Variants in EPHA5 observed in about 807,000 individuals in gnomAD.
EPHA5 encodes the protein EPH receptor A5.
In EPHA5, 60 loss-of-function variants were observed where a neutral mutation model predicts 105.0. The observed-to-expected ratio is 0.57, with a 90% CI of 0.46 to 0.71. The LOEUF (loss-of-function observed/expected upper bound fraction) is 0.71. Ranked by LOEUF, EPHA5 falls within the 30% of genes least tolerant of loss-of-function variation. The probability of loss-of-function intolerance (pLI) is 0.00; values close to 1 mark genes in which losing one functional copy is unlikely to be tolerated. For missense variants in EPHA5, 1,218 were observed against 1,274.7 expected (o/e 0.96, Z 0.68); for synonymous variants, 513 against 449.1 (o/e 1.14, Z -1.80).
rs1728531238 is a variant in EPHA5 at position 65,465,452 on chromosome 4, GAAAGAAAAGAAAGAAA to G, written c.1402+24909_1402+24924del. Among the ~76,000 whole-genome samples the G allele has an allele frequency of 1.1e-4, 13 of 116,796 alleles. 2 individuals are homozygous for G. Among genetic ancestry groups the G allele is most frequent in the African/African-American group, 2.4e-4 (7 of 29,654 alleles). The allele number at this position is 116,796 out of a possible 152,430, so 76.6% of individuals were successfully genotyped here. ...CCACCCCTCTAAAGAAAGAAAGAAAGAAAGAAAAGAAAGAAAAAGAAAGAAAGAAAGAAAGAAAGAA... is the reference window on the plus strand; with the variant it reads ...CCACCCCTCTAAAGAAAGAAAGAAAGAAGAAAGAAAGAAAGAAAGAAAGAA... On this transcript the variant is annotated intron_variant, in intron 5 of 16. Coordinates refer to ENST00000613740, the MANE Select transcript of EPHA5 (RefSeq NM_001281766.3).
At chr4:65,432,301 A>G (rs764109208) in intron 5 of EPHA5, among the ~76,000 whole-genome samples, 9 of 152,186 alleles carry the variant, frequency 5.9e-5, no homozygotes, top group Non-Finnish European at 1.2e-4. Flanking sequence ...ATTGACTGCT[A>G]TAATGTAATG....
At chr4:65,506,386 A>G (rs1216753216) in intron 3 of EPHA5, among the ~76,000 whole-genome samples, 1 of 146,254 alleles carries the variant, frequency 6.8e-6, no homozygotes, top group Non-Finnish European at 1.5e-5. Flanking sequence ...GGCTGGGTCA[A>G]ATGGTATTTC....
At chr4:65,572,602 G>A (rs540811640) in intron 3 of EPHA5, among the ~76,000 whole-genome samples, 1 of 152,186 alleles carries the variant, frequency 6.6e-6, no homozygotes, top group Non-Finnish European at 1.5e-5. Flanking sequence ...TATAGCAATT[G>A]TGACTGTAAA....
At chr4:65,495,289 T>G in intron 4 of EPHA5, 99 bp downstream of exon 4, 1 of 1,273,080 alleles carries the variant, frequency 7.9e-7, no homozygotes, top group Non-Finnish European at 1.1e-6. Context: ...TTATGTCTGT[T>G]TTAGGGGGAA....
At chr4:65,472,042 G>A (rs767073650) in intron 5 of EPHA5, among the ~76,000 whole-genome samples, 1 of 152,152 alleles carries the variant, frequency 6.6e-6, no homozygotes, top group Non-Finnish European at 1.5e-5. Context: ...CACCTAGGAG[G>A]CTGTAAAATC....
At position 65,321,561 on chromosome 4, in the gene EPHA5, T is replaced by C. The variant is rs1719642578; in HGVS notation, c.*2553A>G. 1.3e-5 allele frequency: 3 copies of C among 229,224 alleles called. No homozygotes were observed. In the East Asian group the frequency reaches 1.9e-4, roughly 14 times the overall value. 14.2% of individuals were successfully genotyped at this position (229,224 alleles called of 1,614,324 possible). A position where few individuals can be genotyped will look rare whatever the true frequency, so the allele number is the denominator to read the frequency against. Reference sequence around the variant, plus strand: ...AAGTCATATTAACCTTCCTTAGAAATTCTCAACCAAATTGAGATGCAAAAG... The same window carrying C: ...AAGTCATATTAACCTTCCTTAGAAACTCTCAACCAAATTGAGATGCAAAAG... On this transcript the variant is annotated 3_prime_UTR_variant, in exon 17 of 17. Transcript: ENST00000613740.
chr4:65,419,027 G>T (rs1015195968), intron 6 of EPHA5, among the ~76,000 whole-genome samples: 23 of 151,510 alleles, frequency 1.5e-4, no homozygotes, highest in African/African-American at 5.6e-4. Flanking sequence ...GGGATTACAG[G>T]TGCCCGCTAC....
At chr4:65,658,977 T>C (rs1346533763) in intron 1 of EPHA5, among the ~76,000 whole-genome samples, 3 of 152,130 alleles carry the variant, frequency 2.0e-5, no homozygotes, top group East Asian at 3.9e-4. Context: ...ATATTGATTA[T>C]AAAATATTTA....
Position 65,669,717 on chromosome 4 carries a change from G to T in EPHA5, c.26C>A (p.Ala9Glu). Residue 9 changes from alanine (A) to glutamate (E), a missense_variant, in exon 1 of 17, where the codon GCG becomes GAG. This residue lies in a region of EPHA5 where 233 missense variants were observed against 227.5 expected (regional missense o/e 1.02). Coordinates refer to ENST00000613740, the MANE Select transcript of EPHA5 (RefSeq NM_001281766.3). MRGSGPRG[A>E]GRRRPPSGGG... is the part of the protein sequence containing the mutation. The stretch of plus-strand genomic sequence containing the variant: ...GCCGCTTGGGGGCCGCCGGCGTCCC[G>T]CACCCCGGGGCCCCGAGCCCCGCAT... 7.8e-7 allele frequency: 1 copy of T among 1,275,508 alleles called. No individual in the cohort carries two copies. 79.0% of individuals were successfully genotyped at this position (1,275,508 alleles called of 1,614,324 possible). A position where few individuals can be genotyped will look rare whatever the true frequency, so the allele number is the denominator to read the frequency against.
chr4:65,385,035 T>C (rs1434273811), intron 8 of EPHA5, among the ~76,000 whole-genome samples: 1 of 151,864 alleles, frequency 6.6e-6, no homozygotes, highest in Admixed American at 6.6e-5. Context: ...TGTGCTCAGC[T>C]ATTTTAGGTT....
chr4:65,524,549 T>C (rs1264609054), intron 3 of EPHA5, among the ~76,000 whole-genome samples: 1 of 151,832 alleles, frequency 6.6e-6, no homozygotes, highest in Non-Finnish European at 1.5e-5. Context: ...CCAACATCCC[T>C]GTTTAGAAAC....
At chr4:65,388,707 G>A (rs1426656225) in intron 8 of EPHA5, among the ~76,000 whole-genome samples, 1 of 146,940 alleles carries the variant, frequency 6.8e-6, no homozygotes, top group Admixed American at 6.9e-5. Flanking sequence ...GTAGATTCTG[G>A]ATATTAGCCC....
At chr4:65,489,172 C>T (rs956385537) in intron 5 of EPHA5, among the ~76,000 whole-genome samples, 3 of 152,028 alleles carry the variant, frequency 2.0e-5, no homozygotes, top group East Asian at 1.9e-4. Flanking sequence ...GCTGGGATTA[C>T]GGGCGTGAGC....
rs933348663 is a variant in EPHA5 at position 65,482,887 on chromosome 4, T to G, written c.1402+7490A>C. On this transcript the variant is annotated intron_variant, in intron 5 of 16. Transcript: ENST00000613740. ...TTTTTTTTTATTATTATACTTTAAGTTCTAGGGTACATGTGCACAACGTGC... is the reference window on the plus strand; with the variant it reads ...TTTTTTTTTATTATTATACTTTAAGGTCTAGGGTACATGTGCACAACGTGC... Among the ~76,000 whole-genome samples the G allele has an allele frequency of 5.9e-5, 9 of 152,014 alleles. No individual in the cohort carries two copies. In the South Asian group the frequency reaches 8.3e-4, roughly 14 times the overall value.
intron 5 of EPHA5, among the ~76,000 whole-genome samples, chr4:65,489,324 C>T (rs555274885): frequency 3.5e-4 from 53 of 152,252 alleles, no homozygotes; most frequent in Non-Finnish European, 5.6e-4. Context: ...GCTAGCATCC[C>T]GCAACCTACA....
intron 2 of EPHA5, among the ~76,000 whole-genome samples, chr4:65,605,953 A>G (rs919624840): frequency 2.0e-5 from 3 of 152,140 alleles, no homozygotes; most frequent in Non-Finnish European, 4.4e-5. Flanking sequence ...TTTAGAAATA[A>G]GAAATTGAAG....
At chr4:65,572,771 C>T (rs909961673) in intron 3 of EPHA5, among the ~76,000 whole-genome samples, 4 of 152,176 alleles carry the variant, frequency 2.6e-5, no homozygotes, top group African/African-American at 9.7e-5. Flanking sequence ...TGGCTCACGC[C>T]TATAATACCA....
intron 3 of EPHA5, among the ~76,000 whole-genome samples, chr4:65,551,274 GTGTGTGTA>G (rs1408936855): frequency 2.1e-4 from 21 of 101,092 alleles, no homozygotes; most frequent in African/African-American, 8.5e-4. Context: ...GTGTGTGTGT[GTGTGTGTA>G]TATATATATA....
intron 14 of EPHA5, among the ~76,000 whole-genome samples, chr4:65,337,323 C>A (rs1397555293): frequency 6.6e-6 from 1 of 152,096 alleles, no homozygotes; most frequent in East Asian, 1.9e-4. Context: ...TTCATTCCTT[C>A]TACTTCGCTG....
Sources: gnomAD v4.1 joint callset for allele counts (sites outside exome capture counted in the v4.1 genomes callset) on GRCh38, gnomAD v4.1.1 for gene constraint, gnomAD v4.1.1 regional missense constraint, MANE v1.5 for transcripts, NCBI Gene and HGNC (gene_info 2026-07-23, HGNC 2026-07-21) for gene names.